The following CRPPA variants were observed in gnomAD, a reference collection of about 807,000 sequenced individuals.
The protein encoded by CRPPA is D-ribitol-5-phosphate cytidylyltransferase.
In CRPPA, 43 loss-of-function variants were observed where a neutral mutation model predicts 52.0. The ratio of observed to expected loss-of-function variants is 0.83; its 90% CI spans 0.65 to 1.07. The LOEUF is 1.07. CRPPA is among the 50% of genes least tolerant of loss of function. CRPPA has a pLI of 0.00. For missense variants in CRPPA, 629 were observed against 551.7 expected, an observed-to-expected ratio of 1.14 and a Z score of -1.40; for synonymous variants, 250 against 203.5, an observed-to-expected ratio of 1.23 and a Z score of -1.94.
chr7:16,328,349 A>G (rs1033643181), intron 3 of CRPPA, among the ~76,000 whole-genome samples: 1 of 152,236 alleles, frequency 6.6e-6, no homozygotes, highest in African/African-American at 2.4e-5. Context: ...AGTTAACTAC[A>G]TTCTAAAACT....
At chr7:16,131,266 C>A (rs1306176826) in intron 9 of CRPPA, among the ~76,000 whole-genome samples, 1 of 152,044 alleles carries the variant, frequency 6.6e-6, no homozygotes, top group Admixed American at 6.6e-5. Flanking sequence ...ATGAACAGAC[C>A]ATTAGAGGCA....
At chr7:16,320,445 CA>C (rs911959163) in intron 3 of CRPPA, among the ~76,000 whole-genome samples, 12 of 151,598 alleles carry the variant, frequency 7.9e-5, no homozygotes, top group East Asian at 1.9e-4. Flanking sequence ...GGTTTTATAA[CA>C]AAAAAAAGTT....
At chr7:16,352,728 C>T (rs972332453) in intron 3 of CRPPA, among the ~76,000 whole-genome samples, 2 of 152,120 alleles carry the variant, frequency 1.3e-5, no homozygotes, top group Non-Finnish European at 2.9e-5. Flanking sequence ...TATGATCCAG[C>T]AATCCCACTT....
At chr7:16,252,169 C>T (rs890152917) in intron 8 of CRPPA, among the ~76,000 whole-genome samples, 2 of 152,034 alleles carry the variant, frequency 1.3e-5, no homozygotes, top group South Asian at 2.1e-4. Context: ...TACTGGCAAA[C>T]GATATCCAGC....
chr7:16,251,229 A>C (rs1783440775), intron 8 of CRPPA, among the ~76,000 whole-genome samples: 1 of 152,198 alleles, frequency 6.6e-6, no homozygotes, highest in African/African-American at 2.4e-5. Context: ...TAATAAAGCA[A>C]GTTCTTAGAG....
At chr7:16,315,616 T>A (rs1392258534) in intron 3 of CRPPA, among the ~76,000 whole-genome samples, 1 of 152,134 alleles carries the variant, frequency 6.6e-6, no homozygotes, top group Non-Finnish European at 1.5e-5. Flanking sequence ...TGCTCTAGCA[T>A]TTTTCAGAAT....
intron 8 of CRPPA, among the ~76,000 whole-genome samples, chr7:16,222,834 C>T (rs1782556595): frequency 6.6e-6 from 1 of 152,104 alleles, no homozygotes; most frequent in Non-Finnish European, 1.5e-5. Flanking sequence ...AATACTTCTA[C>T]ATATTTATGG....
chr7:16,119,959 G>A (rs1201572370), intron 9 of CRPPA, among the ~76,000 whole-genome samples: 1 of 152,162 alleles, frequency 6.6e-6, no homozygotes, highest in Admixed American at 6.5e-5. Context: ...GGATCACACA[G>A]GAGTGTCTTA....
At chr7:16,410,062 A>G (rs1268869740) in intron 1 of CRPPA, among the ~76,000 whole-genome samples, 3 of 152,234 alleles carry the variant, frequency 2.0e-5, no homozygotes, top group Non-Finnish European at 4.4e-5. Flanking sequence ...AAATATATAA[A>G]TAAATCTAAG....
intron 3 of CRPPA, among the ~76,000 whole-genome samples, chr7:16,323,207 T>A (rs1468389411): frequency 6.6e-6 from 1 of 152,180 alleles, no homozygotes; most frequent in East Asian, 1.9e-4. Context: ...ATGGTGTGAC[T>A]AGATGAGAAT....
chr7:16,101,295 G>T (rs1194350455), intron 9 of CRPPA, among the ~76,000 whole-genome samples: 1 of 152,042 alleles, frequency 6.6e-6, no homozygotes, highest in Non-Finnish European at 1.5e-5. Flanking sequence ...GGCTTTTTTT[G>T]GTTGGTAGGC....
At chr7:16,404,073 G>C (rs1042653741) in intron 2 of CRPPA, among the ~76,000 whole-genome samples, 2 of 151,976 alleles carry the variant, frequency 1.3e-5, no homozygotes, top group African/African-American at 4.8e-5. Flanking sequence ...CATCTGTCTG[G>C]TTCTCTCATT....
intron 1 of CRPPA, among the ~76,000 whole-genome samples, chr7:16,408,850 G>A (rs931402837): frequency 6.6e-6 from 1 of 152,220 alleles, no homozygotes; most frequent in Non-Finnish European, 1.5e-5. Context: ...TGTGATGACA[G>A]AAGCAGATGT....
At chr7:16,403,914 C>T (rs779898395) in intron 2 of CRPPA, among the ~76,000 whole-genome samples, 3 of 152,116 alleles carry the variant, frequency 2.0e-5, no homozygotes, top group Non-Finnish European at 2.9e-5. Context: ...ACAATTCTTG[C>T]CTATAAACAT....
rs769041714 is a variant in CRPPA, at chr7:16,376,191, A to G, written c.585T>C (p.Ala195=). 3.7e-6 allele frequency: 6 copies of G among 1,613,306 alleles called. No individual in the cohort carries two copies. ...PLVSTVVSPS[A]DGCLDYSLER... is the part of the protein sequence containing the mutation. ...CTAGCGAGTAGTCTAAGCAACCATC[A>G]GCAGATGGACTGACGACAGTAGATA... The change falls in exon 3 of 10, where the codon GCT becomes GCC. Residue 195 remains alanine, a synonymous_variant. Transcript: ENST00000407010.
chr7:16,203,923 C>T (rs1015002568), intron 9 of CRPPA, among the ~76,000 whole-genome samples: 1 of 152,112 alleles, frequency 6.6e-6, no homozygotes, highest in Admixed American at 6.5e-5. Flanking sequence ...CATATAGCAA[C>T]AAATCTACAT....
At chr7:16,384,144 G>A (rs963949354) in intron 2 of CRPPA, among the ~76,000 whole-genome samples, 4 of 152,070 alleles carry the variant, frequency 2.6e-5, no homozygotes, top group Admixed American at 6.6e-5. Context: ...CTTGGCTGCA[G>A]CCGTGTTAGG....
chr7:16,087,934 A>C lies in CRPPA; in HGVS notation c.*3761T>G, dbSNP rs562814043. On this transcript the variant is annotated 3_prime_UTR_variant, in exon 10 of 10. Coordinates refer to ENST00000407010, the MANE Select transcript of CRPPA (RefSeq NM_001101426.4). ...GACATTCTGTAATTTGATTTTTATA[A>C]GATGATCACTGTATTTACATAAAGT... 3.9e-5 allele frequency: 6 copies of C among 152,322 alleles called. No homozygotes were observed. Among genetic ancestry groups the C allele is most frequent in the African/African-American group, 1.4e-4 (6 of 41,582 alleles). The allele number at this position is 152,322 out of a possible 1,614,324, so 9.4% of individuals were successfully genotyped here.
At chr7:16,191,435 G>A (rs1047907330) in intron 9 of CRPPA, among the ~76,000 whole-genome samples, 1 of 152,100 alleles carries the variant, frequency 6.6e-6, no homozygotes, top group Non-Finnish European at 1.5e-5. Context: ...AATTCTGAGA[G>A]TAAAATAGAT....
Sources: gnomAD v4.1 joint callset for allele counts (sites outside exome capture counted in the v4.1 genomes callset) on GRCh38, gnomAD v4.1.1 for gene constraint, MANE v1.5 for transcripts, NCBI Gene and HGNC (gene_info 2026-07-23, HGNC 2026-07-21) for gene names.